Variants in ALK observed in about 807,000 individuals in gnomAD.
The protein encoded by ALK is ALK tyrosine kinase receptor.
Under a neutral mutation model 163.1 loss-of-function variants are expected in ALK, and 74 were observed. That is an observed-to-expected ratio of 0.45 (90% CI 0.38 to 0.55). The LOEUF (loss-of-function observed/expected upper bound fraction) is 0.55, where lower values mean the gene tolerates loss of function less well. Ranked by LOEUF, ALK falls within the 20% of genes least tolerant of loss-of-function variation. The pLI is 0.00. For synonymous variants in ALK, 960 were observed against 843.2 expected (o/e 1.14, Z -2.40); for missense variants, 2,063 against 2,105.3 (o/e 0.98, Z 0.39).
intron 5 of ALK, among the ~76,000 whole-genome samples, chr2:29,329,144 G>C (rs1667364764): frequency 6.6e-6 from 1 of 152,146 alleles, no homozygotes; most frequent in Non-Finnish European, 1.5e-5. Flanking sequence ...GTTTGCTCTA[G>C]TCTGAAATTC....
At chr2:29,871,873 G>A (rs1317739899) in intron 1 of ALK, among the ~76,000 whole-genome samples, 1 of 152,168 alleles carries the variant, frequency 6.6e-6, no homozygotes, top group African/African-American at 2.4e-5. Context: ...ATCACAAATT[G>A]AGGGCAATTA....
intron 3 of ALK, among the ~76,000 whole-genome samples, chr2:29,555,057 C>G (rs1050249377): frequency 6.6e-6 from 1 of 152,156 alleles, no homozygotes; most frequent in African/African-American, 2.4e-5. Flanking sequence ...AACAGCAGCC[C>G]TCAGGGCTGC....
At chr2:29,848,869 C>A (rs903149827) in intron 1 of ALK, among the ~76,000 whole-genome samples, 1 of 152,150 alleles carries the variant, frequency 6.6e-6, no homozygotes, top group Non-Finnish European at 1.5e-5. Context: ...CACGAGGGAC[C>A]CCAACAGCAG....
At chr2:29,875,951 T>C (rs1010537460) in intron 1 of ALK, among the ~76,000 whole-genome samples, 4 of 152,196 alleles carry the variant, frequency 2.6e-5, no homozygotes, top group Non-Finnish European at 4.4e-5. Flanking sequence ...TACCCAGTAA[T>C]GGGATTGCTG....
chr2:29,260,791 GC>G (rs1665066140), intron 11 of ALK, among the ~76,000 whole-genome samples: 1 of 151,930 alleles, frequency 6.6e-6, no homozygotes, highest in Non-Finnish European at 1.5e-5. Context: ...CTCAGATCAT[GC>G]CACTGCACTC....
rs148547594 is a variant in ALK, at chr2:29,222,598, G to A, written c.3369C>T (p.Gly1123=). ...RKNITLIRGL[G]HGAFGEVYEG... ...CATACACCTCCCCAAAGGCGCCATGGCCCAGACCCCTGTGCAAAGGAGAAG... is the reference window on the plus strand; with the variant it reads ...CATACACCTCCCCAAAGGCGCCATGACCCAGACCCCTGTGCAAAGGAGAAG... The change falls in exon 21 of 29, where the codon GGC becomes GGT. Residue 1123 remains glycine, a synonymous_variant. Transcript: ENST00000389048. The A allele has an allele frequency of 5.0e-6, 8 of 1,613,674 alleles. No homozygotes were observed. In the African/African-American group the frequency reaches 1.1e-4, roughly 22 times the overall value.
At chr2:29,221,773 C>T (rs1669810799) in intron 22 of ALK, among the ~76,000 whole-genome samples, 1 of 152,172 alleles carries the variant, frequency 6.6e-6, no homozygotes, top group African/African-American at 2.4e-5. Context: ...GGGCCATGAG[C>T]CCCCACCTGA....
At chr2:29,292,756 T>G (rs1335051211) in intron 9 of ALK, among the ~76,000 whole-genome samples, 1 of 152,224 alleles carries the variant, frequency 6.6e-6, no homozygotes, top group Admixed American at 6.5e-5. Context: ...ACAGTTAACA[T>G]AATTCTGTAA....
At chr2:29,487,765 C>T (rs1227263690) in intron 4 of ALK, among the ~76,000 whole-genome samples, 2 of 152,168 alleles carry the variant, frequency 1.3e-5, no homozygotes, top group Non-Finnish European at 2.9e-5. Context: ...ATTTAATTTA[C>T]CACCCATTTA....
rs200244010 is a variant in ALK, at chr2:29,217,029, GTGTC to G, written c.3646-2952_3646-2949del. Among the ~76,000 whole-genome samples the G allele has an allele frequency of 4.7e-4, 68 of 145,278 alleles. No homozygotes were observed. The East Asian group carries it at 8.2e-3, about 18-fold the overall frequency. ...GTGTGTGCGTGAGTGTATGTGGTAT[GTGTC>G]TGGGGGCATGTGTGTGGTGTGTGTT... is the stretch of plus-strand genomic sequence containing the variant. On this transcript the variant is annotated intron_variant, in intron 23 of 28. Coordinates refer to ENST00000389048, the MANE Select transcript of ALK (RefSeq NM_004304.5).
chr2:29,749,519 G>A (rs925003508), intron 1 of ALK, among the ~76,000 whole-genome samples: 5 of 152,266 alleles, frequency 3.3e-5, no homozygotes, highest in African/African-American at 9.6e-5. Context: ...AGAGACATGT[G>A]GGACTGCTGA....
At chr2:29,381,587 C>A (rs575873950) in intron 5 of ALK, among the ~76,000 whole-genome samples, 3 of 152,224 alleles carry the variant, frequency 2.0e-5, no homozygotes, top group Admixed American at 1.3e-4. Flanking sequence ...TGTGCCTCAT[C>A]ATGAAGGGAC....
intron 1 of ALK, among the ~76,000 whole-genome samples, chr2:29,853,142 G>A (rs982977852): frequency 2.0e-5 from 3 of 151,280 alleles, no homozygotes; most frequent in Non-Finnish European, 2.9e-5. Flanking sequence ...TATGGGAATC[G>A]AAAGCAGCCT....
In ALK at chr2:29,735,795, A is replaced by G. The variant is rs528081940; in HGVS notation, c.668-18098T>C. Reference sequence around the variant, plus strand: ...CTCCAGCTGCCATGTGAATAAGGACATATTTGCTTCAATTTCTGCCACAAT... The same window carrying G: ...CTCCAGCTGCCATGTGAATAAGGACGTATTTGCTTCAATTTCTGCCACAAT... On this transcript the variant is annotated intron_variant, in intron 1 of 28. Coordinates refer to ENST00000389048, the MANE Select transcript of ALK (RefSeq NM_004304.5). Among the ~76,000 whole-genome samples the G allele has an allele frequency of 2.6e-5, 4 of 152,098 alleles. No individual in the cohort carries two copies. In the South Asian group the frequency reaches 8.3e-4, roughly 32 times the overall value.
At chr2:29,210,193 C>T (rs1210915943) in intron 24 of ALK, among the ~76,000 whole-genome samples, 1 of 150,864 alleles carries the variant, frequency 6.6e-6, no homozygotes, top group African/African-American at 2.5e-5. Flanking sequence ...GTAAGTGCTT[C>T]ATATCTAACT....
intron 12 of ALK, among the ~76,000 whole-genome samples, chr2:29,245,753 T>C (rs1401551995): frequency 7.4e-6 from 1 of 135,786 alleles, no homozygotes; most frequent in East Asian, 2.4e-4. Flanking sequence ...ACTAAGGGCT[T>C]TATGGCTCAG....
At chr2:29,221,797 T>C (rs1023148173) in intron 22 of ALK, among the ~76,000 whole-genome samples, 2 of 152,110 alleles carry the variant, frequency 1.3e-5, no homozygotes, top group Non-Finnish European at 2.9e-5. Flanking sequence ...TGAGGTCAAA[T>C]ATCTGCCCCC....
At chr2:29,911,663 C>T (rs2148437941) in intron 1 of ALK, among the ~76,000 whole-genome samples, 1 of 152,288 alleles carries the variant, frequency 6.6e-6, no homozygotes, top group African/African-American at 2.4e-5. Flanking sequence ...AGCAGAATAA[C>T]AAAGGCTTTG....
rs1677797232 is a variant in ALK at position 29,674,108 on chromosome 2, T to G, written c.952+20742A>C. Among the ~76,000 whole-genome samples, 3 of 149,176 alleles carry G rather than the reference T, an allele frequency of 2.0e-5. No homozygotes were observed. The South Asian group carries it at 6.5e-4, about 32-fold the overall frequency. ...ATGGGGTTTTCTAGATATACAATCA[T>G]GTCGTCTGCAAACAGGGACAATTTG... is the stretch of plus-strand genomic sequence containing the variant. On this transcript the variant is annotated intron_variant, in intron 3 of 28. Coordinates refer to ENST00000389048, the MANE Select transcript of ALK (RefSeq NM_004304.5).
Sources: gnomAD v4.1 joint callset for allele counts (sites outside exome capture counted in the v4.1 genomes callset) on GRCh38, gnomAD v4.1.1 for gene constraint, MANE v1.5 for transcripts, NCBI Gene and HGNC (gene_info 2026-07-23, HGNC 2026-07-21) for gene names.